NRXN2: variants seen among roughly 807,000 people sequenced by gnomAD.
NRXN2 encodes neurexin-2-beta.
In NRXN2, 29 loss-of-function variants were observed where a neutral mutation model predicts 128.8. The observed-to-expected ratio is 0.23, with a 90% CI of 0.17 to 0.31. NRXN2 has a LOEUF of 0.31. Among genes scored for constraint, NRXN2 ranks in the 10% least tolerant of loss-of-function variants. NRXN2 has a pLI of 1.00. For missense variants in NRXN2, 1,881 were observed against 2,452.6 expected, an observed-to-expected ratio of 0.77 and a Z score of 4.92; for synonymous variants, 1,098 against 1,075.2, an observed-to-expected ratio of 1.02 and a Z score of -0.41.
chr11:64,687,327 C>T (rs1272104646), intron 5 of NRXN2, among the ~76,000 whole-genome samples: 1 of 152,118 alleles, frequency 6.6e-6, no homozygotes, highest in Non-Finnish European at 1.5e-5. Context: ...GGGGGAGTTT[C>T]GGAGTGCAGA....
chr11:64,611,566 G>C (rs1158335582), intron 22 of NRXN2, among the ~76,000 whole-genome samples: 1 of 152,224 alleles, frequency 6.6e-6, no homozygotes, highest in Non-Finnish European at 1.5e-5. Flanking sequence ...CCAACCTGCT[G>C]TCCCCAGCCA....
intron 6 of NRXN2, among the ~76,000 whole-genome samples, chr11:64,679,881 C>G (rs1152629): frequency 1 from 152,306 of 152,306 alleles, 76,153 homozygotes; most frequent in Non-Finnish European, 1. Flanking sequence ...CTGGTGGCCT[C>G]GGACACAGCA....
chr11:64,711,384 A>C (rs985404955), intron 2 of NRXN2, among the ~76,000 whole-genome samples: 4 of 152,132 alleles, frequency 2.6e-5, no homozygotes, highest in African/African-American at 9.7e-5. Flanking sequence ...AGGGGCGGGG[A>C]GAGACGCGCA....
chr11:64,703,634 C>A (rs545544526), intron 2 of NRXN2, among the ~76,000 whole-genome samples: 1 of 152,288 alleles, frequency 6.6e-6, no homozygotes, highest in African/African-American at 2.4e-5. Context: ...CAATTCACAT[C>A]CCCTGTATTC....
rs962766343 is a variant in NRXN2, at chr11:64,648,130, C to A, written c.3403+89G>T. On this transcript the variant is annotated intron_variant, in intron 17 of 22. Transcript: ENST00000265459. The surrounding 1 kb of genome is among the most constrained non-coding windows in gnomAD (Gnocchi z 4.1). ...AGAAGCAGCACAGCTCCTGAATGCTCAGAGGCCCTGTTTCCTCCCTGGCAG... is the reference window on the plus strand; with the variant it reads ...AGAAGCAGCACAGCTCCTGAATGCTAAGAGGCCCTGTTTCCTCCCTGGCAG... The A allele has an allele frequency of 2.3e-5, 36 of 1,573,282 alleles. No individual in the cohort carries two copies. Among genetic ancestry groups the A allele is most frequent in the Non-Finnish European group, 8.7e-7 (1 of 1,146,820 alleles).
chr11:64,634,406 G>A (rs569193410), intron 18 of NRXN2, among the ~76,000 whole-genome samples: 19 of 152,302 alleles, frequency 1.2e-4, no homozygotes, highest in Non-Finnish European at 2.4e-4. Flanking sequence ...GAAGGGTGTA[G>A]GGCAGAGCCA....
intron 2 of NRXN2, among the ~76,000 whole-genome samples, chr11:64,700,031 C>T (rs539688932): frequency 1.3e-5 from 2 of 152,298 alleles, no homozygotes; most frequent in African/African-American, 2.4e-5. Context: ...AGAGACAGCA[C>T]CTAGAAACTC....
chr11:64,644,245 C>T (rs1367022046), intron 17 of NRXN2, among the ~76,000 whole-genome samples: 3 of 152,264 alleles, frequency 2.0e-5, no homozygotes, highest in African/African-American at 4.8e-5. Flanking sequence ...GCATACAGTG[C>T]ACCCAGAGCC....
chr11:64,634,485 G>A (rs975386980), intron 18 of NRXN2, among the ~76,000 whole-genome samples: 2 of 152,092 alleles, frequency 1.3e-5, no homozygotes, highest in African/African-American at 2.4e-5. Context: ...GACTCAAAAC[G>A]GTGAGTCAAG....
Position 64,632,839 on chromosome 11 carries a change from C to T in NRXN2, c.3586-2266G>A, listed in dbSNP as rs1301398370. ...TCCTACAGCAAATAATTATGGGAGT[C>T]AAAATTAATTTGGCAAAGTGGAGCG... On this transcript the variant is annotated intron_variant, in intron 18 of 22. Coordinates refer to ENST00000265459, the MANE Select transcript of NRXN2 (RefSeq NM_015080.4). This position sits in a 1 kb window ranked among gnomAD's most constrained non-coding sequence, Gnocchi z 4.2. Among the ~76,000 whole-genome samples, 1 of 152,232 alleles carries T rather than the reference C, an allele frequency of 6.6e-6. No individual in the cohort carries two copies. The highest frequency in any genetic ancestry group is 1.9e-4 in the East Asian group (1 of 5,202).
intron 7 of NRXN2, chr11:64,676,258 T>G (rs2051308158): frequency 6.6e-6 from 1 of 152,488 alleles, no homozygotes; most frequent in Non-Finnish European, 1.5e-5. Context: ...ATGCAAAATG[T>G]GGGGGACATG....
chr11:64,648,882 G>C lies in NRXN2; in HGVS notation c.3135C>G (p.Ser1045Arg). The C allele has an allele frequency of 6.2e-7, 1 of 1,614,148 alleles. No individual in the cohort carries two copies. Among genetic ancestry groups the C allele is most frequent in the African/African-American group, 1.3e-5 (1 of 75,032 alleles). The part of the protein sequence containing the change: ...LKGELYIGGL[S>R]KNMFSNLPKL... ...TGGGCAGGTTGCTGAACATATTCTTGCTCAGACCGCCAATGTACAACTCCC... is the reference window on the plus strand; with the variant it reads ...TGGGCAGGTTGCTGAACATATTCTTCCTCAGACCGCCAATGTACAACTCCC... Residue 1045 changes from serine (S) to arginine (R), a missense_variant, in exon 16 of 23, where the codon AGC (serine) becomes AGG (arginine). Physicochemically the swap from Ser to Arg is moderately radical, Grantham distance 110. Coordinates refer to ENST00000265459, the MANE Select transcript of NRXN2 (RefSeq NM_015080.4). This position sits in a 1 kb window ranked among gnomAD's most constrained non-coding sequence, Gnocchi z 4.1.
Position 64,607,339 on chromosome 11 carries a change from C to A in NRXN2, c.4996G>T (p.Gly1666Cys). The change falls in exon 23 of 23, where the codon GGC becomes TGC. Residue 1666 changes from glycine (G) to cysteine (C), a missense_variant. Transcript: ENST00000265459. ...AMYKYRNRDE[G>C]SYQVDQSRNY... Reference sequence around the variant, plus strand: ...CGGCTCTGGTCCACCTGGTAGGAGCCCTCATCACGATTGCGGTACTTATAC... The same window carrying A: ...CGGCTCTGGTCCACCTGGTAGGAGCACTCATCACGATTGCGGTACTTATAC... 1 of 1,614,002 alleles carries A rather than the reference C, an allele frequency of 6.2e-7. No homozygotes were observed.
In NRXN2 at chr11:64,648,925, C is replaced by T; in HGVS notation, c.3110-18G>A. The T allele has an allele frequency of 6.2e-7, 1 of 1,613,990 alleles. No individual in the cohort carries two copies. Among genetic ancestry groups the T allele is most frequent in the Non-Finnish European group, 8.5e-7 (1 of 1,179,920 alleles). ...CAACTCCCCTGCAAAGGGAGTGGGT[C>T]AACCAAGGCATCCAGGTCCCCATTC... On this transcript the variant is annotated intron_variant, in intron 15 of 22. Coordinates refer to ENST00000265459, the MANE Select transcript of NRXN2 (RefSeq NM_015080.4). The surrounding 1 kb of genome is among the most constrained non-coding windows in gnomAD (Gnocchi z 4.1).
chr11:64,664,315 T>TA (rs773402977), intron 9 of NRXN2, among the ~76,000 whole-genome samples: 4,664 of 143,058 alleles, frequency 0.033, 104 homozygotes, highest in Non-Finnish European at 0.048. Flanking sequence ...TGTCTCTAGT[T>TA]AAAAAAAAAA....
rs1471332575 is a variant in NRXN2 at position 64,646,514 on chromosome 11, G to C, written c.3403+1705C>G. On this transcript the variant is annotated intron_variant, in intron 17 of 22. Coordinates refer to ENST00000265459, the MANE Select transcript of NRXN2 (RefSeq NM_015080.4). ...CCGAGGACTAAATGAGCAGCAGGGA[G>C]TGACAAACAGTCAGGTGCACCTAAG... 3 of 152,258 alleles carry C rather than the reference G, an allele frequency of 2.0e-5. No individual in the cohort carries two copies. In the East Asian group the frequency reaches 5.8e-4, roughly 29 times the overall value. The allele number at this position is 152,258 out of a possible 1,614,324, so 9.4% of individuals were successfully genotyped here.
Position 64,660,814 on chromosome 11 carries a change from G to A in NRXN2, c.2124C>T (p.Gly708=), listed in dbSNP as rs146517173. The A allele has an allele frequency of 2.3e-5, 37 of 1,613,906 alleles. No homozygotes were observed. The highest frequency in any genetic ancestry group is 1.2e-4 in the South Asian group (11 of 91,088). ...PCRNGGVCRE[G]WNRFICDCIG... is the part of the protein sequence containing the mutation. ...TGCAGTCACAGATGAAGCGGTTCCA[G>A]CCTTCTCGACAGACGCCCCCATTGC... Residue 708 remains glycine, a synonymous_variant, in exon 10 of 23, where the codon GGC becomes GGT. Coordinates refer to ENST00000265459, the MANE Select transcript of NRXN2 (RefSeq NM_015080.4). This position sits in a 1 kb window ranked among gnomAD's most constrained non-coding sequence, Gnocchi z 5.2.
intron 19 of NRXN2, among the ~76,000 whole-genome samples, chr11:64,627,652 ATG>A (rs2043266859): frequency 6.6e-6 from 1 of 151,856 alleles, no homozygotes; most frequent in Non-Finnish European, 1.5e-5. Flanking sequence ...ATGTGTGTGA[ATG>A]TGTGTGTGTG....
chr11:64,635,169 C>T lies in NRXN2; in HGVS notation c.3585+102G>A. 1 of 1,353,482 alleles carries T rather than the reference C, an allele frequency of 7.4e-7. No homozygotes were observed. The allele number at this position is 1,353,482 out of a possible 1,614,324, so 83.8% of individuals were successfully genotyped here. A position where few individuals can be genotyped will look rare whatever the true frequency, so the allele number is the denominator to read the frequency against. On this transcript the variant is annotated intron_variant, in intron 18 of 22. Coordinates refer to ENST00000265459, the MANE Select transcript of NRXN2 (RefSeq NM_015080.4). This position sits in a 1 kb window ranked among gnomAD's most constrained non-coding sequence, Gnocchi z 4.8. ...GGGAACAGAGGTTCTGAGGGTTCCC[C>T]ATGAGGGAAGACTTGAGGTGCTGAT...
Sources: gnomAD v4.1 joint callset for allele counts (sites outside exome capture counted in the v4.1 genomes callset) on GRCh38, gnomAD v4.1.1 for gene constraint, Gnocchi (gnomAD v3.1) non-coding constraint, MANE v1.5 for transcripts, NCBI Gene and HGNC (gene_info 2026-07-23, HGNC 2026-07-21) for gene names.